TRAPPC9: variants seen among roughly 807,000 people sequenced by gnomAD.
The protein encoded by TRAPPC9 is trafficking protein particle complex subunit 9.
In TRAPPC9, 83 loss-of-function variants were observed where a neutral mutation model predicts 124.0. The observed-to-expected ratio is 0.67, with a 90% CI of 0.56 to 0.80. TRAPPC9 has a LOEUF of 0.80. TRAPPC9 is among the 30% of genes least tolerant of loss of function. The pLI, the probability that TRAPPC9 is intolerant of heterozygous loss-of-function variation, is 0.00. For missense variants in TRAPPC9, 1,302 were observed against 1,508.3 expected, an observed-to-expected ratio of 0.86 and a Z score of 2.27; for synonymous variants, 638 against 617.5, an observed-to-expected ratio of 1.03 and a Z score of -0.49.
At chr8:140,056,553 A>C (rs1842299254) in intron 17 of TRAPPC9, among the ~76,000 whole-genome samples, 1 of 152,114 alleles carries the variant, frequency 6.6e-6, no homozygotes, top group South Asian at 2.1e-4. Flanking sequence ...CCAAGAATAC[A>C]CAATGGGGGA....
At position 139,878,503 on chromosome 8, in the gene TRAPPC9, C is replaced by T. The variant is rs375912403; in HGVS notation, c.3055+7376G>A. ...AGGAACTCATATTTGAACCTGGGGG[C>T]TGTTCCCTCCCAGCTGTGCAGTGCT... is the stretch of plus-strand genomic sequence containing the variant. On this transcript the variant is annotated intron_variant, in intron 21 of 22. Coordinates refer to ENST00000438773, the MANE Select transcript of TRAPPC9 (RefSeq NM_001160372.4). Among the ~76,000 whole-genome samples the T allele has an allele frequency of 1.1e-4, 17 of 150,898 alleles. No homozygotes were observed. In the South Asian group the frequency reaches 2.1e-3, roughly 19 times the overall value.
chr8:139,957,900 G>T lies in TRAPPC9; in HGVS notation c.2810+30826C>A, dbSNP rs916848384. On this transcript the variant is annotated intron_variant, in intron 19 of 22. Coordinates refer to ENST00000438773, the MANE Select transcript of TRAPPC9 (RefSeq NM_001160372.4). The stretch of plus-strand genomic sequence containing the variant: ...GGCCCCGTGTTCTAATCAAACTGAC[G>T]TCGTTTCTGTTCCCAAATGTATCAG... Among the ~76,000 whole-genome samples the T allele has an allele frequency of 2.6e-5, 4 of 152,308 alleles. No homozygotes were observed. In the South Asian group the frequency reaches 8.3e-4, roughly 32 times the overall value.
intron 7 of TRAPPC9, among the ~76,000 whole-genome samples, chr8:140,387,401 A>G (rs936680091): frequency 2.6e-5 from 4 of 152,238 alleles, no homozygotes; most frequent in Admixed American, 6.5e-5. Context: ...AAGAGCTTCT[A>G]CACAGCAAAA....
chr8:140,228,458 T>A (rs775245513), intron 16 of TRAPPC9, among the ~76,000 whole-genome samples: 25 of 152,238 alleles, frequency 1.6e-4, no homozygotes, highest in Non-Finnish European at 2.6e-4. Flanking sequence ...TGCTCGTTCA[T>A]TCAGAAACTT....
intron 21 of TRAPPC9, among the ~76,000 whole-genome samples, chr8:139,781,224 A>C (rs188930650): frequency 1.5e-3 from 221 of 152,364 alleles, no homozygotes; most frequent in African/African-American, 4.9e-3. Flanking sequence ...TGTTTAGAGA[A>C]GTTTTATTCA....
chr8:140,314,960 C>T (rs1441492757), intron 9 of TRAPPC9, among the ~76,000 whole-genome samples: 13 of 152,294 alleles, frequency 8.5e-5, no homozygotes, highest in South Asian at 2.1e-4. Context: ...TGCTCAGTAG[C>T]GGAATGGAAG....
intron 14 of TRAPPC9, among the ~76,000 whole-genome samples, chr8:140,281,267 C>T (rs559206521): frequency 2.0e-5 from 3 of 152,230 alleles, no homozygotes; most frequent in Non-Finnish European, 4.4e-5. Flanking sequence ...TCGCACGAGG[C>T]GTCCAGCTTC....
At chr8:140,054,271 C>T (rs1188180988) in intron 17 of TRAPPC9, among the ~76,000 whole-genome samples, 1 of 152,156 alleles carries the variant, frequency 6.6e-6, no homozygotes, top group Non-Finnish European at 1.5e-5. Context: ...CAACATCATG[C>T]AATACATCCA....
chr8:140,172,757 A>G (rs1220016340), intron 17 of TRAPPC9, among the ~76,000 whole-genome samples: 1 of 152,226 alleles, frequency 6.6e-6, no homozygotes, highest in Admixed American at 6.5e-5. Flanking sequence ...TATGATTAAA[A>G]ATAATTCTCC....
intron 17 of TRAPPC9, among the ~76,000 whole-genome samples, chr8:140,067,546 G>A (rs1452806154): frequency 6.6e-6 from 1 of 152,196 alleles, no homozygotes; most frequent in African/African-American, 2.4e-5. Flanking sequence ...CCACTTACGT[G>A]AGGACAGAGC....
At chr8:139,757,790 C>G (rs559584603) in intron 21 of TRAPPC9, among the ~76,000 whole-genome samples, 8 of 152,104 alleles carry the variant, frequency 5.3e-5, no homozygotes, top group African/African-American at 1.7e-4. Context: ...CTGCACTGCC[C>G]ACAGTTCTCA....
intron 15 of TRAPPC9, among the ~76,000 whole-genome samples, chr8:140,273,756 G>A (rs761474554): frequency 7.2e-5 from 11 of 152,126 alleles, no homozygotes; most frequent in Admixed American, 1.3e-4. Flanking sequence ...TCCCACTTCC[G>A]CTCTCGCCCT....
At chr8:139,775,810 G>T (rs913912030) in intron 21 of TRAPPC9, among the ~76,000 whole-genome samples, 1 of 152,230 alleles carries the variant, frequency 6.6e-6, no homozygotes, top group African/African-American at 2.4e-5. Context: ...AAGATGAAGT[G>T]CTTGGCTCTC....
chr8:139,978,965 G>A (rs1836685038), intron 19 of TRAPPC9, among the ~76,000 whole-genome samples: 1 of 152,118 alleles, frequency 6.6e-6, no homozygotes, highest in Non-Finnish European at 1.5e-5. Flanking sequence ...ATCTGGGTGG[G>A]CTTCACAGGA....
At chr8:140,157,470 AATGACGAAATGAGTGC>A (rs1238494561) in intron 17 of TRAPPC9, among the ~76,000 whole-genome samples, 4 of 152,244 alleles carry the variant, frequency 2.6e-5, no homozygotes, top group Admixed American at 1.3e-4. Context: ...ACCCTCAACG[AATGACGAAATGAGTGC>A]AGGGGTCTGG....
intron 17 of TRAPPC9, among the ~76,000 whole-genome samples, chr8:140,175,027 C>T (rs1343782679): frequency 6.7e-6 from 1 of 148,268 alleles, no homozygotes; most frequent in African/African-American, 2.5e-5. Context: ...TTACTGTAAC[C>T]GAAAGTCAAA....
chr8:140,033,672 T>TTTTG lies in TRAPPC9; in HGVS notation c.2557-9594_2557-9593insCAAA, dbSNP rs1563706776. On this transcript the variant is annotated intron_variant, in intron 17 of 22. Coordinates refer to ENST00000438773, the MANE Select transcript of TRAPPC9 (RefSeq NM_001160372.4). ...TTCATAATGTGGTTTTTTTTTTTTT[T>TTTTG]TTTTTTTTTTTTTTTTTTTTTTTTT... Among the ~76,000 whole-genome samples, 631 of 94,206 alleles carry TTTTG rather than the reference T, an allele frequency of 6.7e-3. 11 individuals carry two copies. The highest frequency in any genetic ancestry group is 0.017 in the South Asian group (45 of 2,588). The allele number at this position is 94,206 out of a possible 152,430, so 61.8% of individuals were successfully genotyped here.
chr8:140,257,603 T>C lies in TRAPPC9; in HGVS notation c.2279-4674A>G, dbSNP rs1334660221. Among the ~76,000 whole-genome samples the C allele has an allele frequency of 6.6e-6, 1 of 152,168 alleles. No homozygotes were observed. The highest frequency in any genetic ancestry group is 1.5e-5 in the Non-Finnish European group (1 of 68,030). ...TGACACCTCCAATAGACTCCTAGCA[T>C]GGGGGGTCCCTGAATATGCCGAATG... On this transcript the variant is annotated intron_variant, in intron 15 of 22. Coordinates refer to ENST00000438773, the MANE Select transcript of TRAPPC9 (RefSeq NM_001160372.4). The surrounding 1 kb of genome is among the most constrained non-coding windows in gnomAD (Gnocchi z 4.6).
chr8:140,338,709 C>G (rs1190283977), intron 9 of TRAPPC9, among the ~76,000 whole-genome samples: 4 of 151,670 alleles, frequency 2.6e-5, no homozygotes, highest in African/African-American at 9.7e-5. Flanking sequence ...CGGCCACCTA[C>G]AGGCCGACGG....
Sources: allele counts gnomAD v4.1 joint callset (sites outside exome capture counted in the v4.1 genomes callset), GRCh38; gene constraint gnomAD v4.1.1; non-coding constraint Gnocchi (gnomAD v3.1); transcripts MANE v1.5; gene names NCBI Gene and HGNC (gene_info 2026-07-23, HGNC 2026-07-21).